The following NR6A1 variants were observed in gnomAD, a reference collection of about 807,000 sequenced individuals.
The protein encoded by NR6A1 is retinoic acid receptor-related testis-associated receptor.
A neutral mutation model predicts 59.1 loss-of-function variants in NR6A1; 7 were observed. The observed-to-expected ratio is 0.12, with a 90% CI of 0.07 to 0.22. The LOEUF is 0.22. Among genes scored for constraint, NR6A1 ranks in the 10% least tolerant of loss-of-function variants. The pLI, the probability that NR6A1 is intolerant of heterozygous loss-of-function variation, is 1.00. For missense variants in NR6A1, 468 were observed against 611.6 expected (o/e 0.77, Z 2.48); for synonymous variants, 243 against 236.1 (o/e 1.03, Z -0.27).
At chr9:124,683,357 T>G (rs553339429) in intron 2 of NR6A1, among the ~76,000 whole-genome samples, 1 of 152,370 alleles carries the variant, frequency 6.6e-6, no homozygotes, top group East Asian at 1.9e-4. Context: ...CTTACTAAGA[T>G]GATAATTTAG....
chr9:124,572,508 G>C (rs1204576859), intron 2 of NR6A1, among the ~76,000 whole-genome samples: 1 of 152,176 alleles, frequency 6.6e-6, no homozygotes, highest in Admixed American at 6.5e-5. Context: ...CTGAATCACA[G>C]GGAAATGATT....
intron 2 of NR6A1, among the ~76,000 whole-genome samples, chr9:124,603,401 G>C (rs1401392322): frequency 1.3e-5 from 2 of 152,150 alleles, no homozygotes; most frequent in East Asian, 3.9e-4. Flanking sequence ...CCTCACGACA[G>C]GTTTTTTCCC....
intron 1 of NR6A1, among the ~76,000 whole-genome samples, chr9:124,766,270 A>G (rs1840930895): frequency 1.3e-5 from 2 of 152,212 alleles, no homozygotes. Context: ...AAAAAACTTT[A>G]ATTAAAAAGT....
At chr9:124,610,234 G>C (rs1201041662) in intron 2 of NR6A1, among the ~76,000 whole-genome samples, 1 of 152,042 alleles carries the variant, frequency 6.6e-6, no homozygotes, top group Non-Finnish European at 1.5e-5. Context: ...ATTGGCTGTG[G>C]GTTTCTCGTA....
chr9:124,744,241 AAAAAG>A (rs138943305), intron 1 of NR6A1, among the ~76,000 whole-genome samples: 5,682 of 152,238 alleles, frequency 0.037, 186 homozygotes, highest in Non-Finnish European at 0.04. Flanking sequence ...TCTCAAACAA[AAAAAG>A]AAAAGAAAAG....
chr9:124,655,359 T>C (rs1837229118), intron 2 of NR6A1, among the ~76,000 whole-genome samples: 1 of 152,218 alleles, frequency 6.6e-6, no homozygotes, highest in Admixed American at 6.5e-5. Flanking sequence ...AGTTCCCTCA[T>C]CTATTAAATG....
chr9:124,703,888 G>A (rs1839041810), intron 2 of NR6A1, among the ~76,000 whole-genome samples: 1 of 151,756 alleles, frequency 6.6e-6, no homozygotes, highest in South Asian at 2.1e-4. Flanking sequence ...TTCAACTCCT[G>A]GCCTCATGCC....
intron 2 of NR6A1, among the ~76,000 whole-genome samples, chr9:124,677,417 C>T: frequency 6.6e-6 from 1 of 151,916 alleles, no homozygotes; most frequent in Non-Finnish European, 1.5e-5. Flanking sequence ...CACCACCATA[C>T]TAGCTAATTT....
chr9:124,607,056 A>C (rs371004405), intron 2 of NR6A1: 2 of 152,216 alleles, frequency 1.3e-5, no homozygotes, highest in South Asian at 2.1e-4. Context: ...ACAAGGGACA[A>C]TAAAACTTGA....
At chr9:124,694,977 T>C (rs1426905248) in intron 2 of NR6A1, among the ~76,000 whole-genome samples, 1 of 152,200 alleles carries the variant, frequency 6.6e-6, no homozygotes, top group African/African-American at 2.4e-5. Flanking sequence ...TAGAGTTGCT[T>C]TTAAAATGGC....
intron 1 of NR6A1, among the ~76,000 whole-genome samples, chr9:124,758,181 C>T (rs1840689098): frequency 6.6e-6 from 1 of 152,028 alleles, no homozygotes; most frequent in South Asian, 2.1e-4. Context: ...AAGTTCTCTC[C>T]CTAAAAGGCT....
intron 2 of NR6A1, among the ~76,000 whole-genome samples, chr9:124,602,021 A>G (rs533838160): frequency 6.6e-6 from 1 of 152,234 alleles, no homozygotes; most frequent in Non-Finnish European, 1.5e-5. Flanking sequence ...GAACCAAATA[A>G]TTGTAAAAAG....
chr9:124,599,253 G>A (rs1564196237), intron 2 of NR6A1: 1 of 427,784 alleles, frequency 2.3e-6, no homozygotes, highest in East Asian at 5.2e-5. Flanking sequence ...GACCAGTCTC[G>A]TCAACATGGT....
chr9:124,526,798 T>C lies in NR6A1; in HGVS notation c.1182A>G (p.Ala394=). The part of the protein sequence containing the change: ...VSNEEYACMK[A]INFLNQDIRG... The stretch of plus-strand genomic sequence containing the variant: ...ACTCACCTTGATTTAGGAAGTTAAT[T>C]GCTTTCATGCAAGCATACTCCTCGT... The change falls in exon 8 of 10, where the codon GCA becomes GCG. Residue 394 remains alanine (A), a synonymous_variant. Coordinates refer to ENST00000487099, the MANE Select transcript of NR6A1 (RefSeq NM_033334.4). 1 of 1,613,842 alleles carries C rather than the reference T, an allele frequency of 6.2e-7. No homozygotes were observed. The highest frequency in any genetic ancestry group is 8.5e-7 in the Non-Finnish European group (1 of 1,179,790).
intron 2 of NR6A1, among the ~76,000 whole-genome samples, chr9:124,601,337 C>A (rs892488961): frequency 7.9e-5 from 12 of 151,398 alleles, no homozygotes; most frequent in Non-Finnish European, 1.8e-4. Context: ...GTAATCCCAA[C>A]ACTTCGGGAG....
At chr9:124,561,238 C>A (rs1834076446) in intron 2 of NR6A1, among the ~76,000 whole-genome samples, 1 of 152,000 alleles carries the variant, frequency 6.6e-6, no homozygotes, top group South Asian at 2.1e-4. Context: ...GAGTTTAAGA[C>A]CAGCCTGGGC....
intron 1 of NR6A1, chr9:124,770,398 G>C (rs1369540510): frequency 6.6e-6 from 1 of 152,100 alleles, no homozygotes; most frequent in Non-Finnish European, 1.5e-5. Context: ...CAGAGGTGGG[G>C]GGCTCGTAGT....
chr9:124,542,378 G>A (rs1833473937), intron 4 of NR6A1, among the ~76,000 whole-genome samples: 1 of 152,226 alleles, frequency 6.6e-6, no homozygotes. Flanking sequence ...AACATCATCA[G>A]TGTATGTCTT....
intron 2 of NR6A1, among the ~76,000 whole-genome samples, chr9:124,607,630 C>T (rs904470790): frequency 2.0e-5 from 3 of 152,036 alleles, no homozygotes; most frequent in Non-Finnish European, 4.4e-5. Flanking sequence ...CATTACCTAC[C>T]CCATGGAGTC....
Sources: allele counts gnomAD v4.1 joint callset (sites outside exome capture counted in the v4.1 genomes callset), GRCh38; gene constraint gnomAD v4.1.1; transcripts MANE v1.5; gene names NCBI Gene and HGNC (gene_info 2026-07-23, HGNC 2026-07-21).